The following DSE variants were observed in gnomAD, a reference collection of about 807,000 sequenced individuals.
DSE encodes dermatan sulfate epimerase.
Under a neutral mutation model 84.4 loss-of-function variants are expected in DSE, and 36 were observed. The observed-to-expected ratio is 0.43, with a 90% CI of 0.33 to 0.56. DSE has a LOEUF of 0.56. Ranked by LOEUF, DSE falls within the 20% of genes least tolerant of loss-of-function variation. The pLI, the probability that DSE is intolerant of heterozygous loss-of-function variation, is 0.06. For missense variants in DSE, 862 were observed against 1,169.6 expected, an observed-to-expected ratio of 0.74 and a Z score of 3.84; for synonymous variants, 410 against 430.1, an observed-to-expected ratio of 0.95 and a Z score of 0.58.
intron 2 of DSE, among the ~76,000 whole-genome samples, chr6:116,322,872 G>A (rs1294509859): frequency 6.6e-6 from 1 of 152,148 alleles, no homozygotes; most frequent in Non-Finnish European, 1.5e-5. Flanking sequence ...TTTCAGAAGA[G>A]TAACTTCCCA....
intron 2 of DSE, among the ~76,000 whole-genome samples, chr6:116,317,192 C>T (rs576697722): frequency 3.3e-5 from 5 of 152,196 alleles, no homozygotes; most frequent in Non-Finnish European, 7.3e-5. Flanking sequence ...AGAGGAGTCA[C>T]TCATCTCATG....
chr6:116,409,310 T>G (rs1284141539), intron 2 of DSE, among the ~76,000 whole-genome samples: 2 of 152,256 alleles, frequency 1.3e-5, no homozygotes, highest in Non-Finnish European at 2.9e-5. Flanking sequence ...AGAGTCTCGC[T>G]CTGTCGCCCA....
At chr6:116,362,391 T>A (rs767759479) in intron 2 of DSE, among the ~76,000 whole-genome samples, 4 of 152,230 alleles carry the variant, frequency 2.6e-5, no homozygotes, top group Non-Finnish European at 5.9e-5. Context: ...AAAATTCATA[T>A]GTAAGCCCCA....
At chr6:116,374,669 G>A (rs1562263838) in intron 1 of DSE, among the ~76,000 whole-genome samples, 2 of 152,138 alleles carry the variant, frequency 1.3e-5, no homozygotes, top group South Asian at 2.1e-4. Flanking sequence ...CTTTCTTGCC[G>A]GTGGGGACTC....
chr6:116,370,472 C>T (rs1372711379), upstream of DSE: 2 of 986,822 alleles, frequency 2.0e-6, no homozygotes, highest in East Asian at 2.3e-4. Flanking sequence ...CGGGAGGAGG[C>T]AGACTGGAGT....
intron 2 of DSE, among the ~76,000 whole-genome samples, chr6:116,407,293 T>TA (rs1451514241): frequency 1.3e-5 from 2 of 152,200 alleles, no homozygotes; most frequent in African/African-American, 4.8e-5. Flanking sequence ...TGCATATTGA[T>TA]ACTCAAATGA....
intron 2 of DSE, among the ~76,000 whole-genome samples, chr6:116,283,376 A>C (rs1773661062): frequency 6.6e-6 from 1 of 152,158 alleles, no homozygotes; most frequent in Admixed American, 6.5e-5. Context: ...TTTAGCACTT[A>C]ATTGTGCTTC....
chr6:116,295,207 AGAG>A (rs1350611450), intron 2 of DSE, among the ~76,000 whole-genome samples: 1 of 152,122 alleles, frequency 6.6e-6, no homozygotes, highest in East Asian at 1.9e-4. Flanking sequence ...GAAAGGTGGG[AGAG>A]GAGAAGATGG....
At chr6:116,395,908 A>G (rs1781224330) in intron 1 of DSE, among the ~76,000 whole-genome samples, 1 of 152,248 alleles carries the variant, frequency 6.6e-6, no homozygotes, top group South Asian at 2.1e-4. Flanking sequence ...TTAGGTTATC[A>G]GCCTAAAACA....
rs138289089 is a variant in DSE at position 116,364,463 on chromosome 6, T to A, written c.-53-34735T>A. ...CAAAATAGCCAAGATTTTCTTTGCCTGACACGGGTAATCTCATCAGCAGAA... is the reference window on the plus strand; with the variant it reads ...CAAAATAGCCAAGATTTTCTTTGCCAGACACGGGTAATCTCATCAGCAGAA... On this transcript the variant is annotated intron_variant, in intron 2 of 3. Transcript: ENST00000430252. 6.5e-3 allele frequency among the ~76,000 whole-genome samples: 991 copies of A among 152,340 alleles called. 5 individuals are homozygous for A. The highest frequency in any genetic ancestry group is 0.012 in the South Asian group (59 of 4,832).
intron 2 of DSE, among the ~76,000 whole-genome samples, chr6:116,413,558 C>T (rs1367993278): frequency 1.3e-5 from 2 of 152,086 alleles, no homozygotes; most frequent in African/African-American, 2.4e-5. Context: ...GTCAGGTTTC[C>T]GGGGCTGAAT....
intron 2 of DSE, chr6:116,423,028 A>C (rs961679214): frequency 6.6e-6 from 1 of 152,202 alleles, no homozygotes; most frequent in Non-Finnish European, 1.5e-5. Flanking sequence ...CCCAGCTTCC[A>C]TTCCTTGTGT....
At chr6:116,350,943 G>A (rs1376557592) in intron 2 of DSE, among the ~76,000 whole-genome samples, 4 of 149,608 alleles carry the variant, frequency 2.7e-5, no homozygotes, top group Non-Finnish European at 4.4e-5. Context: ...AAGTCCTTCT[G>A]TTTTATGAAA....
chr6:116,258,995 C>G, intron 2 of DSE: 1 of 1,495,628 alleles, frequency 6.7e-7, no homozygotes, highest in South Asian at 1.1e-5. Context: ...TTCTCCTTCA[C>G]TGCAATGTAA....
chr6:116,274,507 G>A (rs1773026621), intron 2 of DSE, among the ~76,000 whole-genome samples: 1 of 151,748 alleles, frequency 6.6e-6, no homozygotes, highest in African/African-American at 2.4e-5. Flanking sequence ...AGGTTGCGGT[G>A]AGCGGAAGCT....
At chr6:116,267,090 A>G (rs1772658311) in intron 2 of DSE, among the ~76,000 whole-genome samples, 1 of 152,260 alleles carries the variant, frequency 6.6e-6, no homozygotes, top group Non-Finnish European at 1.5e-5. Context: ...ATATAAAAGT[A>G]TAGCACATAC....
rs78381226 is a variant in DSE, at chr6:116,405,890, G to A, written c.416+6224G>A. Among the ~76,000 whole-genome samples the A allele has an allele frequency of 5.9e-3, 895 of 152,278 alleles. 8 individuals carry two copies. Among genetic ancestry groups the A allele is most frequent in the Non-Finnish European group, 6.9e-3 (470 of 68,012 alleles). The stretch of plus-strand genomic sequence containing the variant: ...CCATTGGACAGTTGTGTGGTGCACA[G>A]TCACACCCTAAATAGGATGTTCTGC... On this transcript the variant is annotated intron_variant, in intron 2 of 5. Coordinates refer to ENST00000644252, the MANE Select transcript of DSE (RefSeq NM_013352.4).
chr6:116,285,969 T>G (rs1773879393), intron 2 of DSE, among the ~76,000 whole-genome samples: 1 of 152,204 alleles, frequency 6.6e-6, no homozygotes, highest in South Asian at 2.1e-4. Context: ...CCTCCAGCTT[T>G]GTTCTTTTTG....
At chr6:116,299,545 TATATATAC>T (rs1432914048) in intron 2 of DSE, among the ~76,000 whole-genome samples, 7 of 35,480 alleles carry the variant, frequency 2.0e-4, no homozygotes, top group African/African-American at 1.1e-3. Flanking sequence ...TATATATATA[TATATATAC>T]ACATACACAC....
Sources: gnomAD v4.1 joint callset for allele counts (sites outside exome capture counted in the v4.1 genomes callset) on GRCh38, gnomAD v4.1.1 for gene constraint, MANE v1.5 for transcripts, NCBI Gene and HGNC (gene_info 2026-07-23, HGNC 2026-07-21) for gene names.